ARNT2: variants seen among roughly 807,000 people sequenced by gnomAD.
ARNT2 encodes ARNT protein 2.
ARNT2 carries 36 observed loss-of-function variants against 91.7 expected under a neutral mutation model. The observed-to-expected ratio is 0.39, with a 90% CI of 0.30 to 0.52. The LOEUF is 0.52. Among genes scored for constraint, ARNT2 ranks in the 20% least tolerant of loss-of-function variants. The pLI is 0.72. For missense variants in ARNT2, 775 were observed against 939.3 expected, an observed-to-expected ratio of 0.83 and a Z score of 2.29; for synonymous variants, 365 against 347.1, an observed-to-expected ratio of 1.05 and a Z score of -0.57.
chr15:80,524,872 C>G (rs1460166275), intron 8 of ARNT2, among the ~76,000 whole-genome samples: 2 of 143,614 alleles, frequency 1.4e-5, no homozygotes, highest in African/African-American at 5.2e-5. Flanking sequence ...CAGACTCTGT[C>G]TCAAAAAAAA....
intron 1 of ARNT2, among the ~76,000 whole-genome samples, chr15:80,438,131 A>C (rs1896121829): frequency 6.6e-6 from 1 of 152,148 alleles, no homozygotes; most frequent in African/African-American, 2.4e-5. Flanking sequence ...TTCTTATGTT[A>C]TTTTTATTTA....
At chr15:80,458,408 CTT>C (rs1304512958) in intron 3 of ARNT2, among the ~76,000 whole-genome samples, 1 of 152,074 alleles carries the variant, frequency 6.6e-6, no homozygotes, top group Non-Finnish European at 1.5e-5. Flanking sequence ...CAAGATAAGT[CTT>C]TTATTGCTAC....
rs539529264 is a variant in ARNT2, at chr15:80,449,068, TAA to T, written c.32-1810_32-1809del. On this transcript the variant is annotated intron_variant, in intron 1 of 18. Coordinates refer to ENST00000303329, the MANE Select transcript of ARNT2 (RefSeq NM_014862.4). ...ATTAGCTGAGCAGGTGATCCATTTT[TAA>T]AGTTTCCACAATTAGAGATATTTAT... Among the ~76,000 whole-genome samples, 649 of 152,364 alleles carry T rather than the reference TAA, an allele frequency of 4.3e-3. 4 individuals carry two copies. Among genetic ancestry groups the T allele is most frequent in the Non-Finnish European group, 7.1e-3 (482 of 68,032 alleles).
At chr15:80,483,020 A>C (rs1261109634) in intron 5 of ARNT2, among the ~76,000 whole-genome samples, 2 of 152,308 alleles carry the variant, frequency 1.3e-5, no homozygotes, top group East Asian at 1.9e-4. Flanking sequence ...AAAGTTGGGG[A>C]ATCTATGACT....
intron 8 of ARNT2, among the ~76,000 whole-genome samples, chr15:80,526,700 T>C (rs556655599): frequency 5.5e-4 from 84 of 152,328 alleles, no homozygotes; most frequent in Middle Eastern, 6.8e-3. Flanking sequence ...ACTTTGCTGC[T>C]AGACTTTCAG....
At chr15:80,430,274 C>T (rs559017366) in intron 1 of ARNT2, among the ~76,000 whole-genome samples, 1 of 152,238 alleles carries the variant, frequency 6.6e-6, no homozygotes, top group South Asian at 2.1e-4. Flanking sequence ...CTGTGGTCTC[C>T]CCACTTTCCA....
chr15:80,437,922 T>TACGCACAC (rs1555455704), intron 1 of ARNT2, among the ~76,000 whole-genome samples: 55 of 141,562 alleles, frequency 3.9e-4, no homozygotes, highest in Non-Finnish European at 3.4e-4. Context: ...TGTATTTACC[T>TACGCACAC]ACACACACAC....
intron 18 of ARNT2, among the ~76,000 whole-genome samples, chr15:80,592,693 C>T (rs978649699): frequency 3.9e-5 from 6 of 152,230 alleles, no homozygotes; most frequent in Admixed American, 3.9e-4. Flanking sequence ...CAGGCCTTCG[C>T]CTGCCTCCCC....
intron 8 of ARNT2, among the ~76,000 whole-genome samples, chr15:80,544,835 C>A (rs139161712): frequency 9.1e-4 from 139 of 152,246 alleles, no homozygotes; most frequent in Non-Finnish European, 1.5e-3. Context: ...TGTCCCAGAA[C>A]GGAAAAGACT....
At chr15:80,531,545 G>A (rs746558508) in intron 8 of ARNT2, among the ~76,000 whole-genome samples, 6 of 152,186 alleles carry the variant, frequency 3.9e-5, no homozygotes, top group Admixed American at 6.5e-5. Flanking sequence ...TCTCCCTTCC[G>A]ACATGGCTCC....
At chr15:80,585,381 CA>C (rs1048710082) in intron 17 of ARNT2, among the ~76,000 whole-genome samples, 4 of 152,116 alleles carry the variant, frequency 2.6e-5, no homozygotes, top group African/African-American at 4.8e-5. Flanking sequence ...GTAATTTAAA[CA>C]GGAAAAATTT....
intron 1 of ARNT2, among the ~76,000 whole-genome samples, chr15:80,439,554 CT>C (rs1236734473): frequency 1.3e-5 from 2 of 152,184 alleles, no homozygotes; most frequent in Non-Finnish European, 2.9e-5. Flanking sequence ...ATAACATTAT[CT>C]TTGAAATCAT....
intron 1 of ARNT2, among the ~76,000 whole-genome samples, chr15:80,416,639 TTTG>T (rs1157245006): frequency 6.6e-6 from 1 of 152,126 alleles, no homozygotes; most frequent in Non-Finnish European, 1.5e-5. Flanking sequence ...TGTTTGTTTG[TTTG>T]TTTTTTTCTT....
intron 10 of ARNT2, among the ~76,000 whole-genome samples, chr15:80,553,371 A>G (rs1898119078): frequency 6.6e-6 from 1 of 152,232 alleles, no homozygotes; most frequent in Non-Finnish European, 1.5e-5. Context: ...TTAGGAGACA[A>G]TTGAAATGTT....
intron 12 of ARNT2, among the ~76,000 whole-genome samples, chr15:80,568,006 A>G (rs903228651): frequency 6.6e-6 from 1 of 152,216 alleles, no homozygotes; most frequent in Admixed American, 6.5e-5. Flanking sequence ...GCAATTTGCA[A>G]GCTCGGTTGC....
chr15:80,545,848 A>T (rs1256604546), intron 8 of ARNT2, among the ~76,000 whole-genome samples: 5 of 152,216 alleles, frequency 3.3e-5, no homozygotes, highest in Non-Finnish European at 7.3e-5. Flanking sequence ...TGCTCAGGAC[A>T]CTGTGCTTTG....
intron 1 of ARNT2, among the ~76,000 whole-genome samples, chr15:80,438,251 A>G (rs1412213203): frequency 1.3e-5 from 2 of 152,198 alleles, no homozygotes; most frequent in Non-Finnish European, 2.9e-5. Context: ...TTATTATACT[A>G]AATATAGACA....
At chr15:80,493,204 A>G (rs908639294) in intron 5 of ARNT2, among the ~76,000 whole-genome samples, 1 of 152,230 alleles carries the variant, frequency 6.6e-6, no homozygotes, top group Non-Finnish European at 1.5e-5. Context: ...TACAATCATG[A>G]CATTAAACTA....
rs572695034 is a variant in ARNT2, at chr15:80,493,506, C to G, written c.623-14650C>G. Among the ~76,000 whole-genome samples, 11 of 152,318 alleles carry G rather than the reference C, an allele frequency of 7.2e-5. No homozygotes were observed. In the South Asian group the frequency reaches 2.1e-3, roughly 29 times the overall value. Reference sequence around the variant, plus strand: ...TACATGAAATGCTGCCTCTCAGAAGCAGGCTGTGGCAGCTTTTCTTCCTCT... The same window carrying G: ...TACATGAAATGCTGCCTCTCAGAAGGAGGCTGTGGCAGCTTTTCTTCCTCT... On this transcript the variant is annotated intron_variant, in intron 5 of 18. Coordinates refer to ENST00000303329, the MANE Select transcript of ARNT2 (RefSeq NM_014862.4).
Sources: allele counts gnomAD v4.1 joint callset (sites outside exome capture counted in the v4.1 genomes callset), GRCh38; gene constraint gnomAD v4.1.1; transcripts MANE v1.5; gene names NCBI Gene and HGNC (gene_info 2026-07-23, HGNC 2026-07-21).